TNC: variants seen among roughly 807,000 people sequenced by gnomAD.
The protein encoded by TNC is tenascin.
In TNC, 109 loss-of-function variants were observed where a neutral mutation model predicts 202.4. The ratio of observed to expected loss-of-function variants is 0.54; its 90% CI spans 0.46 to 0.63. The LOEUF (loss-of-function observed/expected upper bound fraction) is 0.63, where lower values mean the gene tolerates loss of function less well. Ranked by LOEUF, TNC falls within the 30% of genes least tolerant of loss-of-function variation. TNC has a pLI of 0.00. For missense variants in TNC, 2,756 were observed against 2,833.3 expected (o/e 0.97, Z 0.62); for synonymous variants, 1,007 against 1,089.7 (o/e 0.92, Z 1.50).
chr9:115,075,833 C>T (rs2133122247), intron 9 of TNC, among the ~76,000 whole-genome samples, 199 bp downstream of exon 9: 1 of 152,276 alleles, frequency 6.6e-6, no homozygotes, highest in African/African-American at 2.4e-5. Flanking sequence ...CTTTTCCATA[C>T]AGGGGATGAT....
intron 1 of TNC, among the ~76,000 whole-genome samples, chr9:115,106,357 C>T (rs1303976248): frequency 6.6e-6 from 1 of 152,120 alleles, no homozygotes; most frequent in Non-Finnish European, 1.5e-5. Context: ...TCTGCTATAT[C>T]AAGTTACCTT....
intron 1 of TNC, among the ~76,000 whole-genome samples, chr9:115,095,841 T>G (rs1419657711): frequency 2.0e-5 from 3 of 151,192 alleles, no homozygotes; most frequent in Non-Finnish European, 2.9e-5. Context: ...ATATTATATA[T>G]GTAAGTGTGT....
chr9:115,046,167 C>T (rs762422334), intron 17 of TNC, among the ~76,000 whole-genome samples: 6 of 152,178 alleles, frequency 3.9e-5, no homozygotes, highest in African/African-American at 1.2e-4. Context: ...CCAGGCCTTC[C>T]GCTATGGGCT....
intron 6 of TNC, among the ~76,000 whole-genome samples, chr9:115,078,567 G>T (rs1359760500): frequency 6.6e-6 from 1 of 151,382 alleles, no homozygotes; most frequent in Non-Finnish European, 1.5e-5. Flanking sequence ...CATGCTTTGG[G>T]GATACTTTAT....
intron 6 of TNC, among the ~76,000 whole-genome samples, chr9:115,081,348 T>A (rs1334370884): frequency 6.6e-6 from 1 of 152,206 alleles, no homozygotes; most frequent in African/African-American, 2.4e-5. Context: ...CATCAAGAGA[T>A]GGATCTGTTT....
At chr9:115,060,162 G>A (rs1832440328) in intron 13 of TNC, among the ~76,000 whole-genome samples, 160 bp from the exon 14 acceptor site, 1 of 151,978 alleles carries the variant, frequency 6.6e-6, no homozygotes, top group Non-Finnish European at 1.5e-5. Context: ...TGGTTCCCTG[G>A]CCACAGTTGT....
intron 20 of TNC, among the ~76,000 whole-genome samples, chr9:115,036,598 A>G: frequency 6.6e-6 from 1 of 152,016 alleles, no homozygotes; most frequent in East Asian, 1.9e-4. Context: ...CCCATGCTTA[A>G]TTTGTCCTGA....
chr9:115,082,585 C>T, intron 5 of TNC, 107 bp downstream of exon 5: 1 of 728,130 alleles, frequency 1.4e-6, no homozygotes, highest in Non-Finnish European at 2.3e-6. Context: ...GAGCCTTGTC[C>T]TCCACCAAAA....
Position 115,086,439 on chromosome 9 carries a change from C to T in TNC, c.1292G>A (p.Gly431Glu), listed in dbSNP as rs1206029600. ...GQCVCDEGYTGEDCSQLRCPN... is the reference protein window; with the variant it reads ...GQCVCDEGYTEEDCSQLRCPN... ...GCACCGTAGCTGGCTGCAGTCCTCC[C>T]CAGTATAGCCCTCATCACACACACA... Residue 431 changes from glycine (G) to glutamate (E), a missense_variant, in exon 3 of 28, where the codon GGG becomes GAG. Transcript: ENST00000350763. 9.3e-6 allele frequency: 15 copies of T among 1,613,906 alleles called. No homozygotes were observed. Among genetic ancestry groups the T allele is most frequent in the Admixed American group, 1.7e-5 (1 of 59,998 alleles).
chr9:115,059,776 C>T lies in TNC; in HGVS notation c.4260G>A (p.Val1420=). ...GTACTGGTGTTCTATAGCCCCGGATCACCCCATAGATGGAGACTCTATAAG... is the reference window on the plus strand; with the variant it reads ...GTACTGGTGTTCTATAGCCCCGGATTACCCCATAGATGGAGACTCTATAAG... ...ATPYRVSIYG[V]IRGYRTPVLS... is the part of the protein sequence containing the mutation. Residue 1420 remains valine, a synonymous_variant, in exon 14 of 28, where the codon GTG becomes GTA. Coordinates refer to ENST00000350763, the MANE Select transcript of TNC (RefSeq NM_002160.4). The T allele has an allele frequency of 6.2e-7, 1 of 1,613,778 alleles. No individual in the cohort carries two copies. Among genetic ancestry groups the T allele is most frequent in the Non-Finnish European group, 8.5e-7 (1 of 1,179,716 alleles).
Position 115,086,500 on chromosome 9 carries a change from C to A in TNC, c.1231G>T (p.Gly411Cys), listed in dbSNP as rs1382925429. 1.2e-6 allele frequency: 2 copies of A among 1,613,878 alleles called. No individual in the cohort carries two copies. Among genetic ancestry groups the A allele is most frequent in the East Asian group, 2.2e-5 (1 of 44,866 alleles). The change falls in exon 3 of 28, where the codon GGC (glycine) becomes TGC (cysteine). Residue 411 changes from glycine to cysteine, a missense_variant. Gly to Cys is a radical substitution (Grantham distance 159). Around this residue, in one of 2 missense-constraint regions of TNC, gnomAD observed 2,559 missense variants for 2,546.0 expected, o/e 1.01. Transcript: ENST00000350763. The stretch of plus-strand genomic sequence containing the variant: ...ACACAGCGGCCATGGCCACTGCAGC[C>A]ATTGGGACACTTGAGCTCCCCACAG... ...ADCGELKCPN[G>C]CSGHGRCVNG...
intron 9 of TNC, among the ~76,000 whole-genome samples, chr9:115,075,129 G>T (rs1833744894): frequency 6.6e-6 from 1 of 152,048 alleles, no homozygotes; most frequent in African/African-American, 2.4e-5. Context: ...AGTGCCTGTG[G>T]GGAGGTAAGC....
At chr9:115,028,763 C>G (rs1046466800) in intron 25 of TNC, among the ~76,000 whole-genome samples, 1 of 151,570 alleles carries the variant, frequency 6.6e-6, no homozygotes, top group East Asian at 1.9e-4. Context: ...TGTAAAGTGC[C>G]GATTTACTGA....
In TNC at chr9:115,024,056, G is replaced by C. The variant is rs1829290313; in HGVS notation, c.6412C>G (p.Leu2138Val). Residue 2138 changes from leucine (L) to valine (V), a missense_variant, in exon 27 of 28, where the codon CTG becomes GTG. Leu to Val is a conservative substitution (Grantham distance 32). This residue lies in a region of TNC where 197 missense variants were observed against 287.3 expected (regional missense o/e 0.69). Transcript: ENST00000350763. ...DTDSAITNCA[L>V]SYKGAFWYRN... Reference sequence around the variant, plus strand: ...TACCAGAAAGCCCCTTTGTAGGACAGAGCACAGTTGGTGATGGCTGAATCT... The same window carrying C: ...TACCAGAAAGCCCCTTTGTAGGACACAGCACAGTTGGTGATGGCTGAATCT... 1 of 1,614,188 alleles carries C rather than the reference G, an allele frequency of 6.2e-7. No individual in the cohort carries two copies. Among genetic ancestry groups the C allele is most frequent in the Non-Finnish European group, 8.5e-7 (1 of 1,179,994 alleles).
intron 1 of TNC, among the ~76,000 whole-genome samples, chr9:115,109,431 C>A (rs1195990411): frequency 5.9e-5 from 9 of 152,174 alleles, no homozygotes; most frequent in Admixed American, 3.9e-4. Context: ...ACCTCTCAAA[C>A]CCAGAGGATT....
chr9:115,032,333 C>A (rs1291123653), intron 22 of TNC, among the ~76,000 whole-genome samples: 1 of 152,028 alleles, frequency 6.6e-6, no homozygotes, highest in Non-Finnish European at 1.5e-5. Context: ...GAGTGAGGAG[C>A]CCTGTAAGGT....
rs961039071 is a variant in TNC at position 115,031,692 on chromosome 9, G to A, written c.5788-7C>T. 6 of 1,605,066 alleles carry A rather than the reference G, an allele frequency of 3.7e-6. No homozygotes were observed. Among genetic ancestry groups the A allele is most frequent in the South Asian group, 1.1e-5 (1 of 89,680 alleles). On this transcript the variant is annotated splice_region_variant and splice_polypyrimidine_tract_variant and intron_variant, in intron 22 of 27. Transcript: ENST00000350763. ...CTGGACCCACAATGACTTCCTAAGA[G>A]CAGAAGAAAAAGTATAATGGCTTTT... is the stretch of plus-strand genomic sequence containing the variant.
chr9:115,065,059 C>A, intron 10 of TNC, 140 bp from the exon 11 acceptor site: 5 of 892,160 alleles, frequency 5.6e-6, no homozygotes, highest in Non-Finnish European at 8.5e-6. Flanking sequence ...GCATCCCCTA[C>A]TGGTGCTGTC....
chr9:115,106,969 A>G (rs1227431249), intron 1 of TNC, among the ~76,000 whole-genome samples: 3 of 152,194 alleles, frequency 2.0e-5, no homozygotes, highest in African/African-American at 7.2e-5. Flanking sequence ...AGGAAGGCAG[A>G]GGCAAATGAA....
Sources: allele counts gnomAD v4.1 joint callset (sites outside exome capture counted in the v4.1 genomes callset), GRCh38; gene constraint gnomAD v4.1.1; regional missense constraint gnomAD v4.1.1; transcripts MANE v1.5; gene names NCBI Gene and HGNC (gene_info 2026-07-23, HGNC 2026-07-21).